PLD5: variants seen among roughly 807,000 people sequenced by gnomAD.
PLD5 encodes the protein inactive phospholipase D5.
PLD5 carries 36 observed loss-of-function variants against 61.1 expected under a neutral mutation model. The observed-to-expected ratio is 0.59, with a 90% CI of 0.45 to 0.78. PLD5 has a LOEUF of 0.78. Among genes scored for constraint, PLD5 ranks in the 30% least tolerant of loss-of-function variants. The probability of loss-of-function intolerance (pLI) is 0.00; values close to 1 mark genes in which losing one functional copy is unlikely to be tolerated. For missense variants in PLD5, 515 were observed against 644.4 expected (o/e 0.80, Z 2.17); for synonymous variants, 243 against 242.8 (o/e 1.00, Z -0.01).
intron 5 of PLD5, among the ~76,000 whole-genome samples, chr1:242,195,040 A>C (rs1205810349): frequency 6.6e-6 from 1 of 152,230 alleles, no homozygotes. Flanking sequence ...AAAAATAAAA[A>C]TAAAAAACAG....
chr1:242,431,091 C>A (rs982972179), intron 1 of PLD5, among the ~76,000 whole-genome samples: 1 of 152,126 alleles, frequency 6.6e-6, no homozygotes, highest in African/African-American at 2.4e-5. Context: ...ATAAAATATA[C>A]CATTTTAACT....
At chr1:242,383,123 A>G (rs946666546) in intron 1 of PLD5, among the ~76,000 whole-genome samples, 9 of 152,168 alleles carry the variant, frequency 5.9e-5, no homozygotes, top group Admixed American at 2.0e-4. Flanking sequence ...CAGCGATTCT[A>G]TCTCAGTTCT....
chr1:242,470,213 G>A (rs2102948053), intron 1 of PLD5, among the ~76,000 whole-genome samples: 1 of 152,154 alleles, frequency 6.6e-6, no homozygotes, highest in East Asian at 1.9e-4. Context: ...CGTGGTGCGG[G>A]CGCCTGTACT....
chr1:242,149,664 T>TACACACAC (rs201893348), intron 5 of PLD5, among the ~76,000 whole-genome samples: 10 of 137,882 alleles, frequency 7.3e-5, no homozygotes, highest in Non-Finnish European at 1.4e-4. Context: ...TTAAGTTTTA[T>TACACACAC]ACACATACAC....
intron 2 of PLD5, among the ~76,000 whole-genome samples, chr1:242,293,798 C>T (rs1049724654): frequency 6.6e-6 from 1 of 152,198 alleles, no homozygotes; most frequent in Non-Finnish European, 1.5e-5. Context: ...TGCTCACTCT[C>T]CTCCTCTTTC....
rs1334383952 is a variant in PLD5, at chr1:242,393,638, G to A, written c.190-45396C>T. Among the ~76,000 whole-genome samples the A allele has an allele frequency of 2.9e-5, 3 of 103,730 alleles. 1 individual carries two copies. Among genetic ancestry groups the A allele is most frequent in the Non-Finnish European group, 5.6e-5 (3 of 53,996 alleles). 68.1% of individuals were successfully genotyped at this position (103,730 alleles called of 152,430 possible). ...TGTGTATATATATGAGTATATATAT[G>A]TGTATATATATGAGTATATATGTGT... On this transcript the variant is annotated intron_variant, in intron 1 of 9. Coordinates refer to ENST00000536534, the MANE Select transcript of PLD5 (RefSeq NM_001372062.1).
intron 1 of PLD5, among the ~76,000 whole-genome samples, chr1:242,463,054 G>T (rs180772147): frequency 5.5e-4 from 84 of 152,170 alleles, no homozygotes; most frequent in African/African-American, 2.0e-3. Flanking sequence ...ATTATCACTA[G>T]CTGCGAACGC....
intron 8 of PLD5, among the ~76,000 whole-genome samples, chr1:242,103,925 G>A (rs2148675365): frequency 6.6e-6 from 1 of 152,202 alleles, no homozygotes; most frequent in Admixed American, 6.5e-5. Context: ...CAGGTGAGAA[G>A]CATTGTTTTT....
intron 1 of PLD5, among the ~76,000 whole-genome samples, chr1:242,408,403 G>A (rs538532439): frequency 1.3e-5 from 2 of 152,348 alleles, no homozygotes; most frequent in Non-Finnish European, 2.9e-5. Flanking sequence ...GATGGTGGAA[G>A]TAGGGCCTGG....
At chr1:242,520,663 G>A (rs769159226) in intron 1 of PLD5, among the ~76,000 whole-genome samples, 1 of 152,188 alleles carries the variant, frequency 6.6e-6, no homozygotes, top group Admixed American at 6.5e-5. Flanking sequence ...ACAAAGTAGA[G>A]TGGGCTTTGC....
intron 4 of PLD5, among the ~76,000 whole-genome samples, chr1:242,238,735 T>C (rs975131120): frequency 1.3e-5 from 2 of 152,188 alleles, no homozygotes; most frequent in African/African-American, 4.8e-5. Context: ...TTCTGAGACA[T>C]GAGCAAGTGT....
At chr1:242,277,792 G>A (rs1674495928) in intron 3 of PLD5, among the ~76,000 whole-genome samples, 1 of 151,762 alleles carries the variant, frequency 6.6e-6, no homozygotes, top group Non-Finnish European at 1.5e-5. Flanking sequence ...AGACCAGCCT[G>A]GCCAACACGG....
intron 5 of PLD5, among the ~76,000 whole-genome samples, chr1:242,182,397 AT>A (rs1311111949): frequency 6.6e-6 from 1 of 152,048 alleles, no homozygotes; most frequent in Non-Finnish European, 1.5e-5. Context: ...TTCTGAAATT[AT>A]TTATACCTAC....
At chr1:242,213,196 C>T (rs1004195745) in intron 5 of PLD5, among the ~76,000 whole-genome samples, 1 of 152,068 alleles carries the variant, frequency 6.6e-6, no homozygotes, top group Non-Finnish European at 1.5e-5. Flanking sequence ...CAGAACAGGA[C>T]AGAAAAAAAT....
At chr1:242,520,129 CAT>C (rs1426282159) in intron 1 of PLD5, among the ~76,000 whole-genome samples, 5 of 152,274 alleles carry the variant, frequency 3.3e-5, no homozygotes, top group South Asian at 2.1e-4. Flanking sequence ...GGCCAATACA[CAT>C]GAGTCATATG....
intron 5 of PLD5, among the ~76,000 whole-genome samples, chr1:242,141,221 A>G (rs1664138988): frequency 6.6e-6 from 1 of 152,182 alleles, no homozygotes; most frequent in East Asian, 1.9e-4. Flanking sequence ...TATGGTCAGA[A>G]CCTGCTTGGT....
intron 1 of PLD5, among the ~76,000 whole-genome samples, chr1:242,435,557 G>GT (rs1665953212): frequency 6.6e-6 from 1 of 152,176 alleles, no homozygotes; most frequent in Admixed American, 6.5e-5. Context: ...TTATAGCACT[G>GT]TTGGCTGTGA....
chr1:242,107,593 G>A (rs2148685575), intron 8 of PLD5, 78 bp downstream of exon 8: 1 of 1,333,692 alleles, frequency 7.5e-7, no homozygotes, highest in Non-Finnish European at 1.0e-6. Context: ...TTTACACATA[G>A]GCGTATGCTT....
chr1:242,130,198 C>T (rs1172756047), intron 5 of PLD5, among the ~76,000 whole-genome samples: 1 of 151,956 alleles, frequency 6.6e-6, no homozygotes, highest in East Asian at 1.9e-4. Context: ...ATTACAGGCT[C>T]CCGCCACCAC....
Sources: gnomAD v4.1 joint callset for allele counts (sites outside exome capture counted in the v4.1 genomes callset) on GRCh38, gnomAD v4.1.1 for gene constraint, MANE v1.5 for transcripts, NCBI Gene and HGNC (gene_info 2026-07-23, HGNC 2026-07-21) for gene names.